Variants in ATP10A observed in about 807,000 individuals in gnomAD.
ATP10A encodes phospholipid-transporting ATPase VA.
In ATP10A, 111 loss-of-function variants were observed where a neutral mutation model predicts 147.8. The ratio of observed to expected loss-of-function variants is 0.75; its 90% CI spans 0.64 to 0.88. The LOEUF (loss-of-function observed/expected upper bound fraction) is 0.88. ATP10A is among the 40% of genes least tolerant of loss of function. The pLI is 0.00. For synonymous variants in ATP10A, 875 were observed against 841.6 expected (o/e 1.04, Z -0.69); for missense variants, 1,927 against 1,959.0 (o/e 0.98, Z 0.31).
chr15:25,747,062 G>A (rs1887880126), intron 2 of ATP10A, among the ~76,000 whole-genome samples: 1 of 152,186 alleles, frequency 6.6e-6, no homozygotes, highest in Non-Finnish European at 1.5e-5. Context: ...CAAGGCGGGT[G>A]GATCAAGTGA....
chr15:25,773,926 A>G (rs1195374305), intron 2 of ATP10A, among the ~76,000 whole-genome samples: 2 of 152,124 alleles, frequency 1.3e-5, no homozygotes, highest in African/African-American at 4.8e-5. Flanking sequence ...CCTACTGGTA[A>G]GGAAATCCCT....
At chr15:25,737,850 A>G (rs1190910395) in intron 2 of ATP10A, among the ~76,000 whole-genome samples, 1 of 152,162 alleles carries the variant, frequency 6.6e-6, no homozygotes, top group African/African-American at 2.4e-5. Flanking sequence ...GGACGCAAAG[A>G]CACACAGAGG....
At chr15:25,700,552 T>C (rs1271613776) in intron 13 of ATP10A, among the ~76,000 whole-genome samples, 2 of 152,230 alleles carry the variant, frequency 1.3e-5, no homozygotes, top group Non-Finnish European at 2.9e-5. Flanking sequence ...AAAAGTGTTA[T>C]GCTGAGTGAC....
At chr15:25,857,001 A>T (rs1002991562) in intron 1 of ATP10A, among the ~76,000 whole-genome samples, 1 of 152,220 alleles carries the variant, frequency 6.6e-6, no homozygotes, top group Non-Finnish European at 1.5e-5. Context: ...TCTGGGGGAA[A>T]ATCTATAGAC....
chr15:25,768,541 T>C (rs1889150045), intron 2 of ATP10A, among the ~76,000 whole-genome samples: 1 of 10,038 alleles, frequency 1.0e-4, no homozygotes, highest in South Asian at 8.6e-3. Context: ...TCTCTCTCTC[T>C]TTTTTTTTTT....
At chr15:25,804,097 GT>G (rs1287156410) in intron 1 of ATP10A, among the ~76,000 whole-genome samples, 2 of 135,190 alleles carry the variant, frequency 1.5e-5, no homozygotes, top group African/African-American at 3.0e-5. Context: ...GTGTGTGTGT[GT>G]GGTGCATGCC....
chr15:25,688,842 G>A (rs1031224388), intron 15 of ATP10A, among the ~76,000 whole-genome samples: 1 of 152,208 alleles, frequency 6.6e-6, no homozygotes, highest in Admixed American at 6.5e-5. Flanking sequence ...ACCTCTTGCT[G>A]TCAACACATA....
intron 14 of ATP10A, among the ~76,000 whole-genome samples, chr15:25,693,453 C>T (rs998944021): frequency 5.9e-5 from 9 of 152,230 alleles, no homozygotes; most frequent in African/African-American, 1.7e-4. Context: ...AGTGGCTACG[C>T]GGCTGAGGCA....
downstream of ATP10A, among the ~76,000 whole-genome samples, chr15:25,672,906 C>A (rs117560864): frequency 3.2e-4 from 48 of 152,178 alleles, 1 homozygote; most frequent in East Asian, 4.5e-3. Flanking sequence ...TAGGGCAAGA[C>A]GAGGTGTGCG....
intron 15 of ATP10A, among the ~76,000 whole-genome samples, chr15:25,690,870 G>A (rs187741118): frequency 8.3e-4 from 127 of 152,238 alleles, no homozygotes; most frequent in Admixed American, 1.4e-3. Context: ...AGATGACGGC[G>A]GGGGGAGTAA....
chr15:25,839,829 C>T (rs1287701571), intron 1 of ATP10A, among the ~76,000 whole-genome samples: 1 of 152,190 alleles, frequency 6.6e-6, no homozygotes, highest in Admixed American at 6.5e-5. Flanking sequence ...GGCCACCATG[C>T]CCCAAAACCA....
intron 1 of ATP10A, among the ~76,000 whole-genome samples, chr15:25,823,493 C>T (rs1342664240): frequency 6.6e-6 from 1 of 152,172 alleles, no homozygotes; most frequent in Non-Finnish European, 1.5e-5. Flanking sequence ...GGGGTCAGTG[C>T]CCTTACACAG....
intron 1 of ATP10A, among the ~76,000 whole-genome samples, chr15:25,794,794 C>A (rs756913159): frequency 6.6e-6 from 1 of 152,230 alleles, no homozygotes; most frequent in Non-Finnish European, 1.5e-5. Context: ...AAGGGCCATG[C>A]AGATGGTCAT....
At chr15:25,859,309 G>T (rs905034865) in intron 1 of ATP10A, among the ~76,000 whole-genome samples, 1 of 152,226 alleles carries the variant, frequency 6.6e-6, no homozygotes, top group Admixed American at 6.5e-5. Flanking sequence ...GTCAGCTAAA[G>T]GGAAGTCCAA....
At chr15:25,752,974 T>C (rs764869221) in intron 2 of ATP10A, among the ~76,000 whole-genome samples, 5 of 152,206 alleles carry the variant, frequency 3.3e-5, no homozygotes, top group Non-Finnish European at 7.3e-5. Flanking sequence ...ACTAATCATT[T>C]ATAATTGTAT....
At chr15:25,800,759 C>T (rs1183281290) in intron 1 of ATP10A, among the ~76,000 whole-genome samples, 1 of 152,226 alleles carries the variant, frequency 6.6e-6, no homozygotes, top group Non-Finnish European at 1.5e-5. Flanking sequence ...AGGCTTCCCA[C>T]CTACCCTAAT....
At chr15:25,687,344 G>T (rs1488983403) in intron 16 of ATP10A, among the ~76,000 whole-genome samples, 1 of 152,076 alleles carries the variant, frequency 6.6e-6, no homozygotes, top group Non-Finnish European at 1.5e-5. Context: ...AGCAGGACTG[G>T]GTGGCCTGGG....
In ATP10A at chr15:25,679,102, A is replaced by T. The variant is rs1899216234; in HGVS notation, c.*239T>A. ...GAGATGAAAAAATAAATCTAAACAC[A>T]CTTTTCAAGTGTTACTCTTCTTTAA... On this transcript the variant is annotated 3_prime_UTR_variant, in exon 21 of 21. Transcript: ENST00000555815. The T allele has an allele frequency of 4.3e-6, 1 of 231,692 alleles. No individual in the cohort carries two copies. The highest frequency in any genetic ancestry group is 8.1e-6 in the Non-Finnish European group (1 of 124,144). 14.4% of individuals were successfully genotyped at this position (231,692 alleles called of 1,614,324 possible).
intron 2 of ATP10A, among the ~76,000 whole-genome samples, chr15:25,751,202 A>T (rs1478184811): frequency 1.3e-5 from 2 of 152,168 alleles, no homozygotes; most frequent in Non-Finnish European, 2.9e-5. Context: ...GTTTCAAAGC[A>T]GAGAATATTG....
Sources: allele counts gnomAD v4.1 joint callset (sites outside exome capture counted in the v4.1 genomes callset), GRCh38; gene constraint gnomAD v4.1.1; transcripts MANE v1.5; gene names NCBI Gene and HGNC (gene_info 2026-07-23, HGNC 2026-07-21).